GRIK2: variants seen among roughly 807,000 people sequenced by gnomAD.
The protein encoded by GRIK2 is glutamate ionotropic receptor kainate type subunit 2.
A neutral mutation model predicts 100.3 loss-of-function variants in GRIK2; 32 were observed. The ratio of observed to expected loss-of-function variants is 0.32; its 90% CI spans 0.24 to 0.43. GRIK2 has a LOEUF of 0.43. GRIK2 is among the 20% of genes least tolerant of loss of function. The pLI is 1.00. For missense variants in GRIK2, 843 were observed against 1,114.9 expected, an observed-to-expected ratio of 0.76 and a Z score of 3.47; for synonymous variants, 417 against 389.4, an observed-to-expected ratio of 1.07 and a Z score of -0.83.
chr6:101,958,902 C>T (rs1792110987), intron 14 of GRIK2, among the ~76,000 whole-genome samples: 1 of 151,840 alleles, frequency 6.6e-6, no homozygotes, highest in Non-Finnish European at 1.5e-5. Flanking sequence ...TATTACATTT[C>T]TGATGTACTG....
intron 7 of GRIK2, among the ~76,000 whole-genome samples, chr6:101,720,794 C>T (rs1774428229): frequency 6.6e-6 from 1 of 151,932 alleles, no homozygotes; most frequent in African/African-American, 2.4e-5. Flanking sequence ...AAATAAAATG[C>T]AAAACTGTAC....
chr6:101,984,974 T>G (rs544697805), intron 14 of GRIK2, among the ~76,000 whole-genome samples: 1 of 151,782 alleles, frequency 6.6e-6, no homozygotes, highest in African/African-American at 2.4e-5. Context: ...ACATCTTATC[T>G]TCCTCTCTGG....
chr6:101,984,655 A>ACACACACACACACACACACC (rs369665252), intron 14 of GRIK2, among the ~76,000 whole-genome samples: 25 of 148,748 alleles, frequency 1.7e-4, no homozygotes, highest in African/African-American at 6.2e-4. Context: ...ACACACACAC[A>ACACACACACACACACACACC]CCCTTCAACT....
At chr6:101,849,801 A>T (rs1935500384) in intron 10 of GRIK2, among the ~76,000 whole-genome samples, 2 of 148,536 alleles carry the variant, frequency 1.3e-5, no homozygotes, top group East Asian at 2.0e-4. Flanking sequence ...GATGCTATTT[A>T]AAAAAAGGAG....
At chr6:101,745,687 G>C (rs1776381998) in intron 7 of GRIK2, among the ~76,000 whole-genome samples, 1 of 151,754 alleles carries the variant, frequency 6.6e-6, no homozygotes, top group African/African-American at 2.4e-5. Flanking sequence ...TTTTTCTGTT[G>C]TCAGTGTTCT....
At chr6:101,922,667 A>G (rs1789634558) in intron 12 of GRIK2, among the ~76,000 whole-genome samples, 1 of 151,938 alleles carries the variant, frequency 6.6e-6, no homozygotes, top group Non-Finnish European at 1.5e-5. Context: ...AGGTCTTCCT[A>G]TTTTTCTCAT....
chr6:101,610,297 T>C (rs1779615690), intron 2 of GRIK2, among the ~76,000 whole-genome samples: 1 of 151,678 alleles, frequency 6.6e-6, no homozygotes, highest in Admixed American at 6.6e-5. Flanking sequence ...GATTGCTTTA[T>C]GAATAATACT....
At chr6:101,910,836 A>ACGCCC (rs202069932) in intron 12 of GRIK2, among the ~76,000 whole-genome samples, 1 of 59,866 alleles carries the variant, frequency 1.7e-5, no homozygotes, top group African/African-American at 6.9e-5. Flanking sequence ...ATACCAACAT[A>ACGCCC]CACCACACAC....
chr6:102,063,816 G>A, intron 16 of GRIK2: 1 of 474,236 alleles, frequency 2.1e-6, no homozygotes, highest in Non-Finnish European at 3.8e-6. Context: ...ATACTATCAA[G>A]ATTTCCAGAT....
intron 2 of GRIK2, among the ~76,000 whole-genome samples, chr6:101,613,001 T>C (rs750095925): frequency 2.0e-5 from 3 of 151,766 alleles, no homozygotes; most frequent in Non-Finnish European, 4.4e-5. Context: ...AGTTGAATAA[T>C]AAGATCAATG....
intron 10 of GRIK2, among the ~76,000 whole-genome samples, chr6:101,855,908 G>C (rs1251375682): frequency 6.6e-6 from 1 of 152,164 alleles, no homozygotes; most frequent in South Asian, 2.1e-4. Flanking sequence ...CATGATTCTA[G>C]CAGGGGACAG....
intron 2 of GRIK2, among the ~76,000 whole-genome samples, chr6:101,497,812 T>C (rs1407282256): frequency 1.3e-5 from 2 of 152,048 alleles, no homozygotes; most frequent in Admixed American, 1.3e-4. Flanking sequence ...TTAAATAGGC[T>C]TATTGAATAT....
At chr6:101,827,256 C>T (rs536244130) in intron 10 of GRIK2, among the ~76,000 whole-genome samples, 19 of 151,826 alleles carry the variant, frequency 1.3e-4, no homozygotes, top group Non-Finnish European at 2.4e-4. Flanking sequence ...GAAAATCACT[C>T]CTGGCAAAGA....
At chr6:101,921,267 T>C (rs543394973) in intron 12 of GRIK2, among the ~76,000 whole-genome samples, 1 of 83,094 alleles carries the variant, frequency 1.2e-5, no homozygotes, top group South Asian at 5.7e-4. Flanking sequence ...AGATAAGAAA[T>C]GTAATAAAAG....
At chr6:101,861,472 C>T (rs559459749) in intron 11 of GRIK2, among the ~76,000 whole-genome samples, 1 of 152,094 alleles carries the variant, frequency 6.6e-6, no homozygotes, top group Non-Finnish European at 1.5e-5. Context: ...TATACCAGTG[C>T]TTTCCTACCT....
chr6:101,488,348 G>A lies in GRIK2; in HGVS notation c.115+88956G>A, dbSNP rs567795588. Among the ~76,000 whole-genome samples, 8 of 146,842 alleles carry A rather than the reference G, an allele frequency of 5.4e-5. No individual in the cohort carries two copies. The East Asian group carries it at 1.6e-3, about 29-fold the overall frequency. On this transcript the variant is annotated intron_variant, in intron 2 of 16. Coordinates refer to ENST00000369134, the MANE Select transcript of GRIK2 (RefSeq NM_021956.5). The stretch of plus-strand genomic sequence containing the variant: ...GGTTACATAGGCAGAGAATGTGAAA[G>A]AGGTCATGAGTTGTGGTTTTTTAAA...
intron 11 of GRIK2, chr6:101,860,829 G>C (rs1353468596): frequency 1.2e-5 from 3 of 259,410 alleles, no homozygotes; most frequent in Non-Finnish European, 1.8e-5. Flanking sequence ...GGGGTTCCCT[G>C]GGCAGGGAAA....
intron 7 of GRIK2, among the ~76,000 whole-genome samples, chr6:101,791,590 T>C (rs1583158811): frequency 3.5e-5 from 4 of 114,964 alleles, no homozygotes; most frequent in South Asian, 2.3e-4. Flanking sequence ...TTATAATTTC[T>C]TTTTTTTTAC....
At chr6:101,976,485 C>G (rs2128487749) in intron 14 of GRIK2, among the ~76,000 whole-genome samples, 1 of 151,906 alleles carries the variant, frequency 6.6e-6, no homozygotes, top group Non-Finnish European at 1.5e-5. Flanking sequence ...TCACTTGAAC[C>G]CAGCAGTTCG....
Sources: allele counts gnomAD v4.1 joint callset (sites outside exome capture counted in the v4.1 genomes callset), GRCh38; gene constraint gnomAD v4.1.1; transcripts MANE v1.5; gene names NCBI Gene and HGNC (gene_info 2026-07-23, HGNC 2026-07-21).